The following PHYHIP variants were observed in gnomAD, a reference collection of about 807,000 sequenced individuals.
PHYHIP encodes the protein phytanoyl-CoA 2-hydroxylase interacting protein.
In PHYHIP, 7 loss-of-function variants were observed where a neutral mutation model predicts 26.1. The ratio of observed to expected loss-of-function variants is 0.27; its 90% CI spans 0.15 to 0.50. The LOEUF is 0.50. Among genes scored for constraint, PHYHIP ranks in the 20% least tolerant of loss-of-function variants. The pLI is 0.98. For missense variants in PHYHIP, 232 were observed against 454.7 expected, an observed-to-expected ratio of 0.51 and a Z score of 4.45; for synonymous variants, 206 against 183.4, an observed-to-expected ratio of 1.12 and a Z score of -1.00.
rs991774140 is a variant in PHYHIP at position 22,228,220 on chromosome 8, A to G, written c.138T>C (p.Asn46=). ...GGTGCTTGAACTTGTTGGAATTCTT[A>G]TTCTCCTTCTTGTTAAGGTCAATGA... The part of the protein sequence containing the change: ...HYFIDLNKKE[N]KNSNKFKHRD... Residue 46 remains asparagine, a synonymous_variant, in exon 2 of 5, where the codon AAT becomes AAC. Coordinates refer to ENST00000454243, the MANE Select transcript of PHYHIP (RefSeq NM_014759.5). 23 of 1,613,898 alleles carry G rather than the reference A, an allele frequency of 1.4e-5. No homozygotes were observed. The highest frequency in any genetic ancestry group is 1.9e-5 in the Non-Finnish European group (23 of 1,179,974).
intron 3 of PHYHIP, among the ~76,000 whole-genome samples, chr8:22,226,639 C>G (rs1052042671): frequency 2.6e-5 from 4 of 152,146 alleles, no homozygotes; most frequent in Admixed American, 2.6e-4. Context: ...TAGTGGGGTT[C>G]GCATTTGCCT....
At chr8:22,227,564 C>T in intron 2 of PHYHIP, 1 of 455,862 alleles carries the variant, frequency 2.2e-6, no homozygotes. Context: ...CGCCTCACTC[C>T]CCCTGCCTCT....
At chr8:22,229,611 G>T (rs1829828050) in intron 1 of PHYHIP, among the ~76,000 whole-genome samples, 1 of 152,132 alleles carries the variant, frequency 6.6e-6, no homozygotes, top group Admixed American at 6.5e-5. Flanking sequence ...AGCAGACGTG[G>T]GTGGGGCATT....
rs528779693 is a variant in PHYHIP, at chr8:22,224,450, G to A, written c.341-107C>T. ...TGTGTGTGCCGGCCAACCTCTGTCC[G>A]CCAGAGCAGCAGGGGAGACTAGACA... On this transcript the variant is annotated intron_variant, in intron 3 of 4. Transcript: ENST00000454243. The A allele has an allele frequency of 2.0e-4, 138 of 698,064 alleles. 1 individual carries two copies. In the African/African-American group the frequency reaches 2.1e-3, roughly 11 times the overall value. The allele number at this position is 698,064 out of a possible 1,614,324, so 43.2% of individuals were successfully genotyped here. A position where few individuals can be genotyped will look rare whatever the true frequency, so the allele number is the denominator to read the frequency against.
chr8:22,224,134 G>A, intron 4 of PHYHIP, 92 bp downstream of exon 4: 2 of 780,372 alleles, frequency 2.6e-6, no homozygotes, highest in Non-Finnish European at 4.5e-6. Context: ...AGCCACGAGG[G>A]TGGGGGTGAC....
At chr8:22,229,830 T>G (rs1198726338) in intron 1 of PHYHIP, among the ~76,000 whole-genome samples, 3 of 152,144 alleles carry the variant, frequency 2.0e-5, no homozygotes, top group Non-Finnish European at 2.9e-5. Flanking sequence ...CACACCTTCC[T>G]GTCAATTAAG....
Position 22,221,618 on chromosome 8 carries a change from C to A in PHYHIP, c.728G>T (p.Gly243Val). 6.2e-7 allele frequency: 1 copy of A among 1,613,584 alleles called. No homozygotes were observed. Among genetic ancestry groups the A allele is most frequent in the Non-Finnish European group, 8.5e-7 (1 of 1,179,858 alleles). ...HYAILVLAPK[G>V]SLGDRFCRDR... is the part of the protein sequence containing the mutation. ...GCGGCAGAAGCGGTCCCCCAGGGAG[C>A]CTTTGGGCGCCAGCACCAGGATGGC... The change falls in exon 5 of 5, where the codon GGC becomes GTC. Residue 243 changes from glycine (G) to valine (V), a missense_variant. Transcript: ENST00000454243. The surrounding 1 kb of genome is among the most constrained non-coding windows in gnomAD (Gnocchi z 7.9).
chr8:22,223,480 C>T (rs902987861), intron 4 of PHYHIP, among the ~76,000 whole-genome samples: 41 of 152,018 alleles, frequency 2.7e-4, no homozygotes, highest in African/African-American at 9.9e-4. Context: ...GGTCCTGCCT[C>T]ACATTGCCTG....
At chr8:22,223,065 G>C (rs998523322) in intron 4 of PHYHIP, among the ~76,000 whole-genome samples, 9 of 151,980 alleles carry the variant, frequency 5.9e-5, no homozygotes, top group Non-Finnish European at 2.9e-5. Context: ...TGACTGTAAG[G>C]ATAAAGACAG....
chr8:22,224,013 G>T (rs952454938), intron 4 of PHYHIP: 4 of 546,358 alleles, frequency 7.3e-6, no homozygotes, highest in Admixed American at 3.2e-5. Context: ...CTTGCAGAAG[G>T]CCCTGTCCCC....
Position 22,221,994 on chromosome 8 carries a change from C to T in PHYHIP, c.459-107G>A, listed in dbSNP as rs1178506123. On this transcript the variant is annotated intron_variant, in intron 4 of 4. Coordinates refer to ENST00000454243, the MANE Select transcript of PHYHIP (RefSeq NM_014759.5). This position sits in a 1 kb window ranked among gnomAD's most constrained non-coding sequence, Gnocchi z 7.9. ...TCGAGGAGGGAGGAAGCCAGCCCAGCTCCCAGCCCTCCCCCAGCCGCCTCC... is the reference window on the plus strand; with the variant it reads ...TCGAGGAGGGAGGAAGCCAGCCCAGTTCCCAGCCCTCCCCCAGCCGCCTCC... 6 of 894,542 alleles carry T rather than the reference C, an allele frequency of 6.7e-6. No individual in the cohort carries two copies. The allele number at this position is 894,542 out of a possible 1,614,324, so 55.4% of individuals were successfully genotyped here.
chr8:22,223,360 C>CAAA (rs750178076), intron 4 of PHYHIP, among the ~76,000 whole-genome samples: 24 of 62,036 alleles, frequency 3.9e-4, no homozygotes, highest in African/African-American at 1.2e-3. Context: ...GACGCCATCT[C>CAAA]AAAAAAAAAA....
chr8:22,222,624 T>C (rs1432820327), intron 4 of PHYHIP, among the ~76,000 whole-genome samples: 2 of 152,216 alleles, frequency 1.3e-5, no homozygotes, highest in Non-Finnish European at 2.9e-5. Flanking sequence ...CTTTCCATAC[T>C]GTCTCTCTGA....
In PHYHIP at chr8:22,220,337, G is replaced by C. The variant is rs1447110691; in HGVS notation, c.*1016C>G. 6.5e-6 allele frequency: 1 copy of C among 152,694 alleles called. No individual in the cohort carries two copies. Among genetic ancestry groups the C allele is most frequent in the Admixed American group, 6.5e-5 (1 of 15,290 alleles). The allele number at this position is 152,694 out of a possible 1,614,324, so 9.5% of individuals were successfully genotyped here. ...GGCAGGAGAGCAGACAGAGCCAGTG[G>C]GGAGGGGAGAGGCGGAGCAGCAGAG... On this transcript the variant is annotated 3_prime_UTR_variant, in exon 5 of 5. Coordinates refer to ENST00000454243, the MANE Select transcript of PHYHIP (RefSeq NM_014759.5).
intron 2 of PHYHIP, chr8:22,227,686 C>G (rs1423118545): frequency 2.2e-6 from 1 of 456,392 alleles, no homozygotes; most frequent in Non-Finnish European, 4.4e-6. Context: ...CTAAGTCAAG[C>G]AAATGGCAGG....
Position 22,228,266 on chromosome 8 carries a change from A to T in PHYHIP, c.92T>A (p.Leu31Gln), listed in dbSNP as rs1829791515. The change falls in exon 2 of 5, where the codon CTG becomes CAG. Residue 31 changes from leucine (L) to glutamine (Q), a missense_variant. Coordinates refer to ENST00000454243, the MANE Select transcript of PHYHIP (RefSeq NM_014759.5). ...AATGAAGTAATGGGTGACCCTCTCCAGGTCACTGTCCTCCATGGCCCAGGA... is the reference window on the plus strand; with the variant it reads ...AATGAAGTAATGGGTGACCCTCTCCTGGTCACTGTCCTCCATGGCCCAGGA... ...RISWAMEDSD[L>Q]ERVTHYFIDL... 1 of 1,610,984 alleles carries T rather than the reference A, an allele frequency of 6.2e-7. No individual in the cohort carries two copies. Among genetic ancestry groups the T allele is most frequent in the South Asian group, 1.1e-5 (1 of 90,986 alleles).
chr8:22,228,578 G>A (rs188200253), intron 1 of PHYHIP, 192 bp from the exon 2 acceptor site: 252 of 497,438 alleles, frequency 5.1e-4, no homozygotes, highest in Middle Eastern at 3.1e-3. Flanking sequence ...GTGCCTGCCC[G>A]GGGGGCTCTT....
chr8:22,225,728 C>A (rs1829730892), intron 3 of PHYHIP, among the ~76,000 whole-genome samples: 1 of 150,746 alleles, frequency 6.6e-6, no homozygotes, highest in Non-Finnish European at 1.5e-5. Context: ...TCGCTTGAAC[C>A]CGGGAGGCGG....
chr8:22,226,016 G>T (rs749985806), intron 3 of PHYHIP, among the ~76,000 whole-genome samples: 13 of 152,140 alleles, frequency 8.5e-5, no homozygotes, highest in Non-Finnish European at 1.6e-4. Context: ...ATGTAATCTT[G>T]TGGGGGCAGA....
Sources: allele counts gnomAD v4.1 joint callset (sites outside exome capture counted in the v4.1 genomes callset), GRCh38; gene constraint gnomAD v4.1.1; non-coding constraint Gnocchi (gnomAD v3.1); transcripts MANE v1.5; gene names NCBI Gene and HGNC (gene_info 2026-07-23, HGNC 2026-07-21).